The following ADAMTS9 variants were observed in gnomAD, a reference collection of about 807,000 sequenced individuals.
ADAMTS9 encodes the protein ADAM metallopeptidase with thrombospondin type 1 motif 9.
In ADAMTS9, 107 loss-of-function variants were observed where a neutral mutation model predicts 257.1. That is an observed-to-expected ratio of 0.42 (90% CI 0.36 to 0.49). ADAMTS9 has a LOEUF of 0.49. ADAMTS9 is among the 20% of genes least tolerant of loss of function. The pLI is 0.03. For missense variants in ADAMTS9, 2,353 were observed against 2,469.1 expected (o/e 0.95, Z 1.00); for synonymous variants, 982 against 880.9 (o/e 1.11, Z -2.03).
chr3:64,641,104 A>G (rs376796875), intron 12 of ADAMTS9, among the ~76,000 whole-genome samples: 4 of 152,214 alleles, frequency 2.6e-5, no homozygotes, highest in Middle Eastern at 3.2e-3. Flanking sequence ...AAGAAAAAAA[A>G]TAAAAAGTAA....
chr3:64,601,885 T>C (rs984584055), intron 26 of ADAMTS9, 59 bp downstream of exon 26: 9 of 1,527,406 alleles, frequency 5.9e-6, no homozygotes, highest in African/African-American at 1.4e-5. Flanking sequence ...TCTAGTCTCT[T>C]TTACCCTAAA....
chr3:64,519,212 C>T (rs1397608910), intron 39 of ADAMTS9, among the ~76,000 whole-genome samples: 2 of 152,172 alleles, frequency 1.3e-5, no homozygotes, highest in Non-Finnish European at 2.9e-5. Flanking sequence ...TGTAGTTTTA[C>T]TATTACATTC....
chr3:64,580,147 A>G (rs1263312609), intron 28 of ADAMTS9, among the ~76,000 whole-genome samples: 2 of 152,166 alleles, frequency 1.3e-5, no homozygotes, highest in African/African-American at 2.4e-5. Flanking sequence ...ACAGAATACA[A>G]TGAAATGCAA....
chr3:64,596,493 G>C (rs976682389), intron 27 of ADAMTS9, among the ~76,000 whole-genome samples: 1 of 142,410 alleles, frequency 7.0e-6, no homozygotes, highest in African/African-American at 3.1e-5. Flanking sequence ...AAACTATGAA[G>C]AAGAGGGCAA....
At chr3:64,542,043 C>T in intron 32 of ADAMTS9, 73 bp from the exon 33 acceptor site, 2 of 1,592,154 alleles carry the variant, frequency 1.3e-6, no homozygotes, top group Non-Finnish European at 1.7e-6. Context: ...GTGTGGAGCT[C>T]AGAGCCCTGA....
intron 27 of ADAMTS9, 71 bp from the exon 28 acceptor site, chr3:64,594,505 A>G: frequency 1.9e-6 from 3 of 1,563,898 alleles, no homozygotes; most frequent in Non-Finnish European, 2.6e-6. Context: ...TTTCTCCCTA[A>G]TTTCTTAGCC....
chr3:64,607,593 G>A (rs2084582365), intron 22 of ADAMTS9, among the ~76,000 whole-genome samples: 2 of 152,122 alleles, frequency 1.3e-5, no homozygotes, highest in African/African-American at 2.4e-5. Context: ...CCACTAAAAG[G>A]CAAAATGTTA....
At chr3:64,571,712 G>A (rs973840509) in intron 28 of ADAMTS9, among the ~76,000 whole-genome samples, 1 of 152,170 alleles carries the variant, frequency 6.6e-6, no homozygotes, top group Non-Finnish European at 1.5e-5. Context: ...TAATCTGATA[G>A]CAAATACTCT....
At chr3:64,604,760 T>C (rs985752822) in intron 23 of ADAMTS9, among the ~76,000 whole-genome samples, 2 of 152,254 alleles carry the variant, frequency 1.3e-5, no homozygotes, top group Admixed American at 1.3e-4. Context: ...GAACTTGCTT[T>C]CCCTGTTTGC....
intron 19 of ADAMTS9, among the ~76,000 whole-genome samples, chr3:64,617,001 C>T (rs1312595892): frequency 6.6e-6 from 1 of 152,120 alleles, no homozygotes; most frequent in African/African-American, 2.4e-5. Flanking sequence ...CTCATGAATG[C>T]CCCAAAGTAG....
At chr3:64,658,435 G>C in intron 4 of ADAMTS9, 67 bp downstream of exon 4, 1 of 1,502,048 alleles carries the variant, frequency 6.7e-7, no homozygotes, top group South Asian at 1.3e-5. Context: ...AAAGCACTGA[G>C]TGGAAACCCA....
At chr3:64,665,822 T>G (rs1221638977) in intron 3 of ADAMTS9, among the ~76,000 whole-genome samples, 1 of 152,238 alleles carries the variant, frequency 6.6e-6, no homozygotes, top group Admixed American at 6.5e-5. Flanking sequence ...GAGTCACTTC[T>G]CTGGGCCTCA....
chr3:64,686,616 G>A lies in ADAMTS9; in HGVS notation c.468C>T (p.Val156=). 1.2e-5 allele frequency: 20 copies of A among 1,613,828 alleles called. No homozygotes were observed. The highest frequency in any genetic ancestry group is 1.7e-5 in the Non-Finnish European group (20 of 1,179,932). The change falls in exon 2 of 40, where the codon GTC becomes GTT. Residue 156 remains valine (V), a synonymous_variant. Coordinates refer to ENST00000498707, the MANE Select transcript of ADAMTS9 (RefSeq NM_182920.2). The surrounding 1 kb of genome is among the most constrained non-coding windows in gnomAD (Gnocchi z 4.6). ...CGGCCGTGTGCTCGGAGTTGGTATT[G>A]ACATAGCCTTTGTAGAAACAGTGCT... is the stretch of plus-strand genomic sequence containing the variant. The part of the protein sequence containing the change: ...ELKHCFYKGY[V]NTNSEHTAVI...
At chr3:64,596,466 A>G (rs2084365583) in intron 27 of ADAMTS9, among the ~76,000 whole-genome samples, 1 of 151,964 alleles carries the variant, frequency 6.6e-6, no homozygotes, top group Admixed American at 6.5e-5. Flanking sequence ...GGAACAGGGC[A>G]TAACACAAAC....
At chr3:64,585,107 G>A (rs542627506) in intron 28 of ADAMTS9, among the ~76,000 whole-genome samples, 8 of 152,272 alleles carry the variant, frequency 5.3e-5, no homozygotes, top group African/African-American at 9.6e-5. Context: ...AGTTTGAACT[G>A]TGGGTTTCAT....
chr3:64,626,948 A>G (rs1461208774), intron 16 of ADAMTS9, among the ~76,000 whole-genome samples: 2 of 152,192 alleles, frequency 1.3e-5, no homozygotes, highest in Non-Finnish European at 2.9e-5. Flanking sequence ...ACTGAAGCCA[A>G]GGTTGTTTCC....
chr3:64,553,442 C>T (rs2083294436), intron 30 of ADAMTS9, among the ~76,000 whole-genome samples: 1 of 152,184 alleles, frequency 6.6e-6, no homozygotes, highest in Non-Finnish European at 1.5e-5. Context: ...TTTGTTTATC[C>T]ATTCCTCAGT....
At chr3:64,572,360 A>T (rs139932164) in intron 28 of ADAMTS9, among the ~76,000 whole-genome samples, 142 of 152,314 alleles carry the variant, frequency 9.3e-4, no homozygotes, top group African/African-American at 3.2e-3. Context: ...GGTGGAAAGG[A>T]AACTCAAGAC....
rs1222345387 is a variant in ADAMTS9, at chr3:64,649,649, C to A, written c.1593G>T (p.Val531=). Residue 531 remains valine (V), a synonymous_variant, in exon 10 of 40, where the codon GTG becomes GTT. Transcript: ENST00000498707. Reference sequence around the variant, plus strand: ...CTCCTACACTTACCATATATGGGCACACCTGAGAACCTGGTCCAAAAATCA... The same window carrying A: ...CTCCTACACTTACCATATATGGGCAAACCTGAGAACCTGGTCCAAAAATCA... ...CELIFGPGSQ[V]CPYMMQCRRL... is the part of the protein sequence containing the mutation. 1 of 1,613,162 alleles carries A rather than the reference C, an allele frequency of 6.2e-7. No individual in the cohort carries two copies. The highest frequency in any genetic ancestry group is 2.2e-5 in the East Asian group (1 of 44,836).
Sources: allele counts gnomAD v4.1 joint callset (sites outside exome capture counted in the v4.1 genomes callset), GRCh38; gene constraint gnomAD v4.1.1; non-coding constraint Gnocchi (gnomAD v3.1); transcripts MANE v1.5; gene names NCBI Gene and HGNC (gene_info 2026-07-23, HGNC 2026-07-21).